Variants in CRAMP1 observed in about 807,000 individuals in gnomAD.
CRAMP1 encodes cramped chromatin regulator 1.
A neutral mutation model predicts 115.4 loss-of-function variants in CRAMP1; 50 were observed. That is an observed-to-expected ratio of 0.43 (90% CI 0.35 to 0.55). CRAMP1 has a LOEUF of 0.55. Ranked by LOEUF, CRAMP1 falls within the 20% of genes least tolerant of loss-of-function variation. The pLI, the probability that CRAMP1 is intolerant of heterozygous loss-of-function variation, is 0.01. For synonymous variants in CRAMP1, 866 were observed against 745.4 expected, an observed-to-expected ratio of 1.16 and a Z score of -2.64; for missense variants, 1,679 against 1,721.7, an observed-to-expected ratio of 0.98 and a Z score of 0.44.
chr16:1,675,723 C>G lies in CRAMP1; in HGVS notation c.*1678C>G, dbSNP rs1476425880. ...AGGCAAGAGCTTCCTTCTTTTGTCT[C>G]ACGAGTTTTTCTTAGAGCTCTTGCC... is the stretch of plus-strand genomic sequence containing the variant. On this transcript the variant is annotated 3_prime_UTR_variant, in exon 21 of 21. Transcript: ENST00000397412. The G allele has an allele frequency of 6.6e-6, 1 of 152,298 alleles. No individual in the cohort carries two copies. 9.4% of individuals were successfully genotyped at this position (152,298 alleles called of 1,614,324 possible). A position where few individuals can be genotyped will look rare whatever the true frequency, so the allele number is the denominator to read the frequency against.
intron 19 of CRAMP1, 58 bp from the exon 20 acceptor site, chr16:1,670,606 T>C: frequency 1.9e-6 from 3 of 1,588,096 alleles, no homozygotes; most frequent in Non-Finnish European, 2.6e-6. Context: ...ACCCTTCCGC[T>C]GGACTGGTCC....
At position 1,639,055 on chromosome 16, in the gene CRAMP1, C is replaced by T. The variant is rs185211249; in HGVS notation, c.778+1148C>T. ...TCTGCCCTCTCTCAGCCTTGGGAAG[C>T]ATCCCAGGCCCCAAGGAGTTTACGC... On this transcript the variant is annotated intron_variant, in intron 5 of 20. Transcript: ENST00000397412. Among the ~76,000 whole-genome samples, 13 of 152,170 alleles carry T rather than the reference C, an allele frequency of 8.5e-5. No homozygotes were observed. In the East Asian group the frequency reaches 2.5e-3, roughly 30 times the overall value.
intron 2 of CRAMP1, among the ~76,000 whole-genome samples, chr16:1,623,083 G>C (rs913387405): frequency 6.6e-6 from 1 of 152,266 alleles, no homozygotes; most frequent in East Asian, 1.9e-4. Flanking sequence ...TTTTAGTAGA[G>C]ACAGGGTTTC....
intron 10 of CRAMP1, among the ~76,000 whole-genome samples, chr16:1,658,947 C>T (rs1478647584): frequency 6.6e-6 from 1 of 152,030 alleles, no homozygotes; most frequent in East Asian, 1.9e-4. Flanking sequence ...CCGAGTCTTC[C>T]CAGCGGTGGT....
chr16:1,660,620 G>A (rs766878052), intron 11 of CRAMP1, among the ~76,000 whole-genome samples: 13 of 152,192 alleles, frequency 8.5e-5, no homozygotes, highest in African/African-American at 1.4e-4. Flanking sequence ...ACAGTTTCCC[G>A]AGGCATCAGT....
intron 2 of CRAMP1, among the ~76,000 whole-genome samples, chr16:1,618,601 G>C (rs965570928): frequency 2.0e-5 from 3 of 152,236 alleles, no homozygotes; most frequent in Non-Finnish European, 4.4e-5. Flanking sequence ...CTCCAGAATA[G>C]GGTAATGTAG....
chr16:1,650,063 G>C (rs1247708116), intron 6 of CRAMP1, among the ~76,000 whole-genome samples: 1 of 152,156 alleles, frequency 6.6e-6, no homozygotes, highest in Non-Finnish European at 1.5e-5. Flanking sequence ...CAAAGTGCTG[G>C]GATGACAGGC....
intron 5 of CRAMP1, among the ~76,000 whole-genome samples, chr16:1,640,403 T>G (rs1163580892): frequency 6.6e-6 from 1 of 152,188 alleles, no homozygotes; most frequent in Admixed American, 6.5e-5. Context: ...CGAGGTGCAT[T>G]GTCTGTCTGT....
intron 4 of CRAMP1, 30 bp from the exon 5 acceptor site, chr16:1,637,794 T>C: frequency 7.5e-7 from 1 of 1,324,846 alleles, no homozygotes; most frequent in Non-Finnish European, 1.0e-6. Flanking sequence ...TGTTCCCCTC[T>C]CTAAAGCCGC....
intron 14 of CRAMP1, among the ~76,000 whole-genome samples, chr16:1,665,533 C>A (rs371803333): frequency 1.3e-5 from 2 of 152,148 alleles, no homozygotes; most frequent in Non-Finnish European, 2.9e-5. Flanking sequence ...TGGCTCCTTG[C>A]GGTAGATATT....
intron 2 of CRAMP1, chr16:1,620,616 G>GGT: frequency 2.2e-6 from 1 of 456,964 alleles, no homozygotes; most frequent in Admixed American, 2.3e-5. Flanking sequence ...CTGGGCTTCT[G>GGT]CGTCTGACCT....
At chr16:1,617,590 T>C (rs1480320891) in intron 2 of CRAMP1, among the ~76,000 whole-genome samples, 2 of 152,240 alleles carry the variant, frequency 1.3e-5, no homozygotes, top group Non-Finnish European at 2.9e-5. Context: ...GCCTAAGGAA[T>C]ACTTAGCTCA....
chr16:1,631,730 G>A (rs778852588), intron 3 of CRAMP1, among the ~76,000 whole-genome samples: 13 of 152,218 alleles, frequency 8.5e-5, no homozygotes, highest in Non-Finnish European at 1.6e-4. Context: ...AGTATAGTCT[G>A]TGCGGTTCAC....
chr16:1,623,851 A>C (rs188129927), intron 2 of CRAMP1, among the ~76,000 whole-genome samples: 1 of 152,392 alleles, frequency 6.6e-6, no homozygotes, highest in East Asian at 1.9e-4. Context: ...AGGAATGGGC[A>C]GGGCCAGATA....
At chr16:1,627,130 G>A (rs1252835744) in intron 3 of CRAMP1, among the ~76,000 whole-genome samples, 2 of 151,996 alleles carry the variant, frequency 1.3e-5, no homozygotes, top group East Asian at 1.9e-4. Context: ...AATTAGGTTC[G>A]TGATCGGTGA....
intron 11 of CRAMP1, among the ~76,000 whole-genome samples, chr16:1,660,740 C>T (rs924303094): frequency 3.9e-5 from 6 of 152,246 alleles, no homozygotes; most frequent in African/African-American, 1.4e-4. Context: ...GGCACAGTGG[C>T]TGATGCCTGT....
In CRAMP1 at chr16:1,648,120, G is replaced by GA. The variant is rs372464410; in HGVS notation, c.828-4365dup. 6.7e-3 allele frequency among the ~76,000 whole-genome samples: 956 copies of GA among 143,198 alleles called. 5 individuals are homozygous for GA. Among genetic ancestry groups the GA allele is most frequent in the Non-Finnish European group, 1.0e-2 (651 of 65,114 alleles). The allele number at this position is 143,198 out of a possible 152,430, so 93.9% of individuals were successfully genotyped here. A position where few individuals can be genotyped will look rare whatever the true frequency, so the allele number is the denominator to read the frequency against. On this transcript the variant is annotated intron_variant, in intron 6 of 20. Coordinates refer to ENST00000397412, the MANE Select transcript of CRAMP1 (RefSeq NM_020825.4). ...AAGGGTGCACTTAGTTTGATTGAAG[G>GA]AAAAAAAAAAAGGAAGTCACAAAAT... is the stretch of plus-strand genomic sequence containing the variant.
intron 6 of CRAMP1, among the ~76,000 whole-genome samples, chr16:1,642,779 T>C (rs930257868): frequency 3.9e-5 from 6 of 152,210 alleles, no homozygotes; most frequent in Non-Finnish European, 7.3e-5. Flanking sequence ...TACTTCACCT[T>C]TTATTTCATT....
At position 1,629,461 on chromosome 16, in the gene CRAMP1, G is replaced by A. The variant is rs561896039; in HGVS notation, c.541-2751G>A. On this transcript the variant is annotated intron_variant, in intron 3 of 20. Transcript: ENST00000397412. Reference sequence around the variant, plus strand: ...TCTTGACTCAGGACAGAGCACTCTCGCCACACTGAGAATACAGAAAAGCTT... The same window carrying A: ...TCTTGACTCAGGACAGAGCACTCTCACCACACTGAGAATACAGAAAAGCTT... Among the ~76,000 whole-genome samples the A allele has an allele frequency of 7.9e-5, 12 of 152,290 alleles. No individual in the cohort carries two copies. The South Asian group carries it at 1.7e-3, about 21-fold the overall frequency.
Sources: gnomAD v4.1 joint callset for allele counts (sites outside exome capture counted in the v4.1 genomes callset) on GRCh38, gnomAD v4.1.1 for gene constraint, MANE v1.5 for transcripts, NCBI Gene and HGNC (gene_info 2026-07-23, HGNC 2026-07-21) for gene names.